Variants in FMN1 observed in about 807,000 individuals in gnomAD.
FMN1 encodes formin 1, also known as formin-1.
A neutral mutation model predicts 132.4 loss-of-function variants in FMN1; 110 were observed. That is an observed-to-expected ratio of 0.83 (90% confidence interval 0.71 to 0.97). The LOEUF is 0.97. Ranked by LOEUF, FMN1 falls within the 50% of genes least tolerant of loss-of-function variation. The pLI, the probability that FMN1 is intolerant of heterozygous loss-of-function variation, is 0.00. For synonymous variants in FMN1, 722 were observed against 651.7 expected (o/e 1.11, Z -1.64); for missense variants, 1,792 against 1,705.3 (o/e 1.05, Z -0.90).
chr15:32,929,244 A>G (rs1252286196), intron 9 of FMN1, among the ~76,000 whole-genome samples: 1 of 152,172 alleles, frequency 6.6e-6, no homozygotes, highest in Admixed American at 6.5e-5. Context: ...CTTTTAAGTA[A>G]ATTTTCAAAA....
intron 6 of FMN1, among the ~76,000 whole-genome samples, chr15:33,054,287 C>T (rs2037115623): frequency 6.6e-6 from 1 of 152,160 alleles, no homozygotes. Flanking sequence ...ACTAAATATA[C>T]ATTTCTGCTT....
At chr15:33,040,514 A>G (rs2036383006) in intron 6 of FMN1, among the ~76,000 whole-genome samples, 1 of 152,182 alleles carries the variant, frequency 6.6e-6, no homozygotes, top group African/African-American at 2.4e-5. Context: ...TGCTACATAA[A>G]TGATTATTAT....
intron 5 of FMN1, among the ~76,000 whole-genome samples, chr15:33,086,978 C>T (rs2038719991): frequency 6.6e-6 from 1 of 152,198 alleles, no homozygotes; most frequent in Admixed American, 6.5e-5. Context: ...TCGTCAAAAA[C>T]ATGGTTCCAG....
At chr15:32,880,522 T>C (rs997065182) in intron 16 of FMN1, among the ~76,000 whole-genome samples, 1 of 152,196 alleles carries the variant, frequency 6.6e-6, no homozygotes, top group Non-Finnish European at 1.5e-5. Flanking sequence ...GGAGGCTCCA[T>C]TCACCTTCCT....
chr15:32,812,726 T>C (rs1015216452), intron 17 of FMN1, among the ~76,000 whole-genome samples: 1 of 152,248 alleles, frequency 6.6e-6, no homozygotes, highest in Non-Finnish European at 1.5e-5. Flanking sequence ...TCTCAGCCTG[T>C]ATCTCTAAAT....
intron 17 of FMN1, among the ~76,000 whole-genome samples, chr15:32,840,124 C>T (rs568187879): frequency 3.9e-5 from 6 of 152,258 alleles, no homozygotes; most frequent in South Asian, 4.1e-4. Flanking sequence ...GGTCTGTGGG[C>T]GAAACTCAGC....
intron 3 of FMN1, among the ~76,000 whole-genome samples, chr15:33,175,154 T>C (rs1308262431): frequency 1.3e-5 from 2 of 152,148 alleles, no homozygotes; most frequent in Non-Finnish European, 2.9e-5. Flanking sequence ...GGCTCCCAAG[T>C]AGCTGGGACT....
intron 18 of FMN1, among the ~76,000 whole-genome samples, chr15:32,799,234 C>A (rs1199806395): frequency 6.6e-6 from 1 of 152,248 alleles, no homozygotes; most frequent in Middle Eastern, 3.4e-3. Flanking sequence ...TAAAACGTCT[C>A]GAGTTTGTTC....
At chr15:32,833,335 T>C (rs546190364) in intron 17 of FMN1, among the ~76,000 whole-genome samples, 111 of 152,180 alleles carry the variant, frequency 7.3e-4, no homozygotes, top group Non-Finnish European at 1.4e-3. Flanking sequence ...GAATGTCTTA[T>C]GAAGCAGCAG....
intron 10 of FMN1, among the ~76,000 whole-genome samples, chr15:32,914,197 G>GTA (rs1427923360): frequency 2.0e-5 from 3 of 152,138 alleles, no homozygotes; most frequent in Non-Finnish European, 4.4e-5. Flanking sequence ...TTAAATAGCT[G>GTA]TATCTCCTTA....
rs115869594 is a variant in FMN1, at chr15:33,005,892, G to T, written c.2223+2122C>A. 4.8e-3 allele frequency among the ~76,000 whole-genome samples: 728 copies of T among 152,134 alleles called. 5 individuals carry two copies. Among genetic ancestry groups the T allele is most frequent in the African/African-American group, 0.016 (671 of 41,496 alleles). The stretch of plus-strand genomic sequence containing the variant: ...CTCCCTTTGTAACAAGGGAGATAAG[G>T]GCCTCCCTCCTCTCCTTTTCTTCTA... On this transcript the variant is annotated intron_variant, in intron 7 of 20. Transcript: ENST00000616417.
chr15:33,168,651 AG>A (rs1276652106), intron 3 of FMN1, among the ~76,000 whole-genome samples: 1 of 152,218 alleles, frequency 6.6e-6, no homozygotes. Context: ...AAAGGGTCAA[AG>A]TGTCAAAGTT....
At chr15:32,902,874 A>G (rs1210394126) in intron 12 of FMN1, among the ~76,000 whole-genome samples, 1 of 152,218 alleles carries the variant, frequency 6.6e-6, no homozygotes, top group Non-Finnish European at 1.5e-5. Flanking sequence ...GAATTCAGAA[A>G]AGGAGAAAAT....
intron 9 of FMN1, among the ~76,000 whole-genome samples, chr15:32,947,717 T>C (rs531360123): frequency 6.6e-6 from 1 of 152,094 alleles, no homozygotes; most frequent in African/African-American, 2.4e-5. Context: ...CTACACTGAC[T>C]CGACCATATT....
intron 16 of FMN1, among the ~76,000 whole-genome samples, chr15:32,863,412 C>G (rs1044208452): frequency 6.6e-6 from 1 of 151,852 alleles, no homozygotes; most frequent in African/African-American, 2.4e-5. Flanking sequence ...CCAGCCTGGG[C>G]GACAGAGCGA....
At chr15:32,986,771 A>G (rs2033095268) in intron 7 of FMN1, among the ~76,000 whole-genome samples, 1 of 152,134 alleles carries the variant, frequency 6.6e-6, no homozygotes, top group African/African-American at 2.4e-5. Flanking sequence ...TGGAATATAG[A>G]CAAACCACAT....
At chr15:33,012,311 G>T in intron 6 of FMN1, 1 of 776,438 alleles carries the variant, frequency 1.3e-6, no homozygotes, top group Non-Finnish European at 2.3e-6. Flanking sequence ...ATATGCCACC[G>T]TGGAGGAGGC....
At chr15:33,053,008 CCA>C (rs1202099013) in intron 6 of FMN1, among the ~76,000 whole-genome samples, 1 of 152,128 alleles carries the variant, frequency 6.6e-6, no homozygotes. Context: ...CCCCCACTCC[CCA>C]CAGTCCCTTC....
chr15:32,828,838 G>A (rs919149923), intron 17 of FMN1, among the ~76,000 whole-genome samples: 7 of 152,178 alleles, frequency 4.6e-5, no homozygotes, highest in East Asian at 3.8e-4. Context: ...AAAGGAACAC[G>A]TTAGTAGTTT....
Sources: gnomAD v4.1 joint callset for allele counts (sites outside exome capture counted in the v4.1 genomes callset) on GRCh38, gnomAD v4.1.1 for gene constraint, MANE v1.5 for transcripts, NCBI Gene and HGNC (gene_info 2026-07-23, HGNC 2026-07-21) for gene names.